Variants in PIBF1 observed in about 807,000 individuals in gnomAD.
PIBF1 encodes progesterone immunomodulatory binding factor 1.
A neutral mutation model predicts 112.5 loss-of-function variants in PIBF1; 90 were observed. That is an observed-to-expected ratio of 0.80 (90% CI 0.67 to 0.95). The LOEUF is 0.95. PIBF1 is among the 40% of genes least tolerant of loss of function. PIBF1 has a pLI of 0.00. For missense variants in PIBF1, 915 were observed against 852.3 expected, an observed-to-expected ratio of 1.07 and a Z score of -0.92; for synonymous variants, 301 against 288.6, an observed-to-expected ratio of 1.04 and a Z score of -0.44.
chr13:72,918,889 C>T (rs940567862), intron 13 of PIBF1, among the ~76,000 whole-genome samples: 14 of 151,288 alleles, frequency 9.3e-5, no homozygotes, highest in Non-Finnish European at 1.5e-4. Flanking sequence ...TTTTTAATAG[C>T]GACAGGGTTT....
At chr13:73,011,412 C>G (rs1336975026) in intron 17 of PIBF1, among the ~76,000 whole-genome samples, 2 of 151,200 alleles carry the variant, frequency 1.3e-5, no homozygotes, top group Non-Finnish European at 3.0e-5. Flanking sequence ...GAAAAATCCC[C>G]TTCCGTTTCC....
intron 10 of PIBF1, among the ~76,000 whole-genome samples, chr13:72,867,018 G>C (rs2038956705): frequency 6.6e-6 from 1 of 152,158 alleles, no homozygotes; most frequent in South Asian, 2.1e-4. Flanking sequence ...ATAAGTCTGT[G>C]CTTCATACAG....
intron 5 of PIBF1, among the ~76,000 whole-genome samples, chr13:72,814,170 G>A (rs2036154997): frequency 6.6e-6 from 1 of 152,170 alleles, no homozygotes. Context: ...GGGTGCAGTG[G>A]CTCACGCCTG....
chr13:72,994,077 C>T (rs1441525370), intron 16 of PIBF1, among the ~76,000 whole-genome samples: 1 of 149,366 alleles, frequency 6.7e-6, no homozygotes, highest in Admixed American at 6.7e-5. Flanking sequence ...TGCACCACCG[C>T]ACTACAGCCT....
At chr13:72,941,727 TA>T (rs1385049927) in intron 14 of PIBF1, among the ~76,000 whole-genome samples, 1 of 152,156 alleles carries the variant, frequency 6.6e-6, no homozygotes, top group African/African-American at 2.4e-5. Flanking sequence ...GGTGCATAGG[TA>T]AAATAAAGTA....
intron 16 of PIBF1, among the ~76,000 whole-genome samples, chr13:72,975,309 A>G (rs1450300756): frequency 6.6e-6 from 1 of 151,888 alleles, no homozygotes; most frequent in Admixed American, 6.6e-5. Context: ...GCCCGCCTCA[A>G]TCCTCAAAGT....
intron 9 of PIBF1, among the ~76,000 whole-genome samples, chr13:72,852,638 A>G (rs1357365122): frequency 1.3e-5 from 2 of 152,210 alleles, no homozygotes; most frequent in Admixed American, 6.5e-5. Context: ...TGACGCCCCA[A>G]GGATCCTGTG....
At chr13:72,794,088 T>C (rs773691331) in intron 3 of PIBF1, among the ~76,000 whole-genome samples, 57 of 151,932 alleles carry the variant, frequency 3.8e-4, no homozygotes, top group Admixed American at 2.6e-3. Context: ...CACAGTAAAA[T>C]AGAAGAAAAA....
chr13:72,976,823 A>G (rs1001536026), intron 16 of PIBF1, among the ~76,000 whole-genome samples: 4 of 152,240 alleles, frequency 2.6e-5, no homozygotes, highest in Non-Finnish European at 5.9e-5. Flanking sequence ...TCATGTCCTC[A>G]TAATAGTCAA....
chr13:72,978,276 C>T (rs1323180548), intron 16 of PIBF1, among the ~76,000 whole-genome samples: 1 of 152,162 alleles, frequency 6.6e-6, no homozygotes, highest in Admixed American at 6.5e-5. Flanking sequence ...TAAGTACATC[C>T]ACATAAATGA....
intron 10 of PIBF1, among the ~76,000 whole-genome samples, chr13:72,892,265 T>C (rs2040087736): frequency 6.6e-6 from 1 of 152,144 alleles, no homozygotes; most frequent in Non-Finnish European, 1.5e-5. Context: ...ATATAATTAA[T>C]GCCAGGATTT....
chr13:72,818,121 C>A (rs969670453), intron 5 of PIBF1, among the ~76,000 whole-genome samples: 27 of 151,844 alleles, frequency 1.8e-4, no homozygotes, highest in African/African-American at 6.0e-4. Context: ...TATATTTATT[C>A]TTCCATGGAA....
At chr13:72,947,145 GT>G (rs1483354759) in intron 14 of PIBF1, among the ~76,000 whole-genome samples, 2 of 152,218 alleles carry the variant, frequency 1.3e-5, no homozygotes, top group Non-Finnish European at 2.9e-5. Context: ...CTAGTCAGTG[GT>G]TTCCAAACCT....
Position 72,835,367 on chromosome 13 carries a change from A to G in PIBF1, c.1222A>G (p.Arg408Gly), listed in dbSNP as rs2037310618. 1 of 1,549,212 alleles carries G rather than the reference A, an allele frequency of 6.5e-7. No individual in the cohort carries two copies. The highest frequency in any genetic ancestry group is 8.6e-7 in the Non-Finnish European group (1 of 1,156,210). The change falls in exon 9 of 18, where the codon AGA becomes GGA. Residue 408 changes from arginine (R) to glycine (G), a missense_variant and splice_region_variant. Physicochemically the swap from Arg to Gly is moderately radical, Grantham distance 125 (BLOSUM62 -2). Transcript: ENST00000326291. ...TAGGGAAATGTATGAACGAGAAAAC[A>G]GGTAAAAAAAAAAAAATGCTTGTAT... ...ASREMYEREN[R>G]NLREARDNAV...
chr13:72,989,552 G>C (rs772505909), intron 16 of PIBF1, among the ~76,000 whole-genome samples: 6 of 152,202 alleles, frequency 3.9e-5, no homozygotes, highest in Non-Finnish European at 5.9e-5. Context: ...ACAAAAAGTA[G>C]ATTGATTAGT....
At chr13:72,885,537 C>T (rs141984411) in intron 10 of PIBF1, among the ~76,000 whole-genome samples, 64 of 152,132 alleles carry the variant, frequency 4.2e-4, no homozygotes, top group African/African-American at 1.4e-3. Context: ...TCATTAAGAG[C>T]TTATAATATG....
At chr13:72,847,335 A>G (rs1158124741) in intron 9 of PIBF1, among the ~76,000 whole-genome samples, 1 of 152,212 alleles carries the variant, frequency 6.6e-6, no homozygotes, top group Non-Finnish European at 1.5e-5. Context: ...ATAATTTATA[A>G]TGAACAGAAG....
At position 72,783,475 on chromosome 13, in the gene PIBF1, T is replaced by C. The variant is rs139203681; in HGVS notation, c.6T>C (p.Ser2=). 8.2e-6 allele frequency: 13 copies of C among 1,586,896 alleles called. No individual in the cohort carries two copies. The South Asian group carries it at 1.0e-4, about 12-fold the overall frequency. The part of the protein sequence containing the change: M[S]RKISKESKKV... ...ACTGATCCATAATAATAAAAATGTC[T>C]CGAAAAATTTCAAAGGAGTCAAAAA... The change falls in exon 2 of 18, where the codon TCT becomes TCC. Residue 2 remains serine (S), a synonymous_variant. Transcript: ENST00000326291.
At chr13:72,895,342 T>C (rs1272052857) in intron 11 of PIBF1, among the ~76,000 whole-genome samples, 1 of 149,546 alleles carries the variant, frequency 6.7e-6, no homozygotes, top group Non-Finnish European at 1.5e-5. Context: ...ATATATATAA[T>C]ATTAAAGGCA....
Sources: gnomAD v4.1 joint callset for allele counts (sites outside exome capture counted in the v4.1 genomes callset) on GRCh38, gnomAD v4.1.1 for gene constraint, MANE v1.5 for transcripts, NCBI Gene and HGNC (gene_info 2026-07-23, HGNC 2026-07-21) for gene names.